Variants in CSMD1 observed in about 807,000 individuals in gnomAD.
The protein encoded by CSMD1 is CUB and Sushi multiple domains 1, also known as CUB and sushi domain-containing protein 1.
A neutral mutation model predicts 417.5 loss-of-function variants in CSMD1; 213 were observed. That is an observed-to-expected ratio of 0.51 (90% CI 0.46 to 0.57). The LOEUF is 0.57. CSMD1 is among the 20% of genes least tolerant of loss of function. The pLI is 0.00. For missense variants in CSMD1, 6,923 were observed against 4,529.7 expected (o/e 1.53, Z -15.17); for synonymous variants, 2,862 against 1,736.8 (o/e 1.65, Z -16.11).
chr8:4,568,164 G>C (rs1362991423), intron 2 of CSMD1, among the ~76,000 whole-genome samples: 1 of 151,674 alleles, frequency 6.6e-6, no homozygotes, highest in African/African-American at 2.4e-5. Context: ...AAATATATAA[G>C]TTATGGGATA....
At chr8:4,825,434 G>A (rs1363614553) in intron 1 of CSMD1, among the ~76,000 whole-genome samples, 1 of 152,028 alleles carries the variant, frequency 6.6e-6, no homozygotes, top group Non-Finnish European at 1.5e-5. Flanking sequence ...GTGTAGACCA[G>A]CAGTTTTCTA....
chr8:4,941,915 T>C (rs1808029741), intron 1 of CSMD1, among the ~76,000 whole-genome samples: 1 of 152,198 alleles, frequency 6.6e-6, no homozygotes, highest in Non-Finnish European at 1.5e-5. Flanking sequence ...AGCAATTTGA[T>C]GATGCTAAAT....
chr8:3,282,072 G>A (rs1324151145), intron 26 of CSMD1, among the ~76,000 whole-genome samples: 1 of 152,152 alleles, frequency 6.6e-6, no homozygotes, highest in Non-Finnish European at 1.5e-5. Flanking sequence ...TGTACAGCCT[G>A]CTGAGTTGTG....
intron 1 of CSMD1, among the ~76,000 whole-genome samples, chr8:4,685,284 T>G (rs1461265406): frequency 6.6e-6 from 1 of 152,120 alleles, no homozygotes; most frequent in African/African-American, 2.4e-5. Context: ...TATCAAAAAC[T>G]TAATCATGGC....
chr8:4,148,120 T>A (rs894765635), intron 3 of CSMD1, among the ~76,000 whole-genome samples: 2 of 152,124 alleles, frequency 1.3e-5, no homozygotes, highest in Admixed American at 6.5e-5. Flanking sequence ...TTGATGCGCG[T>A]GACATGCTCT....
At chr8:3,906,335 C>A (rs1323634058) in intron 5 of CSMD1, among the ~76,000 whole-genome samples, 2 of 151,956 alleles carry the variant, frequency 1.3e-5, no homozygotes, top group Admixed American at 6.6e-5. Context: ...TGTACTAATT[C>A]AAAATCCCAA....
chr8:4,443,033 G>T (rs1329625705), intron 2 of CSMD1, among the ~76,000 whole-genome samples: 1 of 152,122 alleles, frequency 6.6e-6, no homozygotes, highest in Non-Finnish European at 1.5e-5. Flanking sequence ...TAAAGATTTC[G>T]ATTGTAATTG....
intron 41 of CSMD1, among the ~76,000 whole-genome samples, chr8:3,139,701 G>C (rs894626375): frequency 1.3e-5 from 2 of 152,194 alleles, no homozygotes; most frequent in East Asian, 1.9e-4. Flanking sequence ...AGATATGTAC[G>C]TGTGTATGTG....
chr8:3,085,489 A>G (rs759384041), intron 49 of CSMD1, among the ~76,000 whole-genome samples: 5 of 152,240 alleles, frequency 3.3e-5, no homozygotes, highest in Admixed American at 6.5e-5. Context: ...CTAGCATCCC[A>G]TATACACAAA....
intron 1 of CSMD1, among the ~76,000 whole-genome samples, chr8:4,744,117 C>A (rs777298340): frequency 2.0e-5 from 3 of 152,172 alleles, no homozygotes; most frequent in Admixed American, 2.0e-4. Context: ...AAAGCTAATA[C>A]GCAGAGGTGC....
chr8:4,008,587 TCTTTCTTTTTTTC>T (rs1399534828), intron 4 of CSMD1, among the ~76,000 whole-genome samples: 5 of 149,322 alleles, frequency 3.3e-5, no homozygotes, highest in African/African-American at 1.2e-4. Context: ...TTCAGTATTT[TCTTTCTTTTTTTC>T]TTTTTTTTTT....
At chr8:3,137,655 T>A (rs540566208) in intron 41 of CSMD1, among the ~76,000 whole-genome samples, 1 of 152,224 alleles carries the variant, frequency 6.6e-6, no homozygotes, top group East Asian at 1.9e-4. Context: ...CTTGAAGCCA[T>A]CTCTAAATTT....
At chr8:3,592,162 G>C (rs1032807080) in intron 8 of CSMD1, among the ~76,000 whole-genome samples, 2 of 152,020 alleles carry the variant, frequency 1.3e-5, no homozygotes, top group Non-Finnish European at 2.9e-5. Flanking sequence ...ATATCCATCT[G>C]GTTAGGTAGA....
At chr8:3,800,602 A>G (rs774385347) in intron 5 of CSMD1, among the ~76,000 whole-genome samples, 3 of 152,168 alleles carry the variant, frequency 2.0e-5, no homozygotes, top group Non-Finnish European at 2.9e-5. Flanking sequence ...TTGATCTCCA[A>G]TGTGTCAGTG....
chr8:4,737,479 C>T (rs188057368), intron 1 of CSMD1, among the ~76,000 whole-genome samples: 1 of 152,034 alleles, frequency 6.6e-6, no homozygotes, highest in Non-Finnish European at 1.5e-5. Flanking sequence ...CACCTGTACC[C>T]CTGAAGTTAA....
chr8:4,737,313 C>A (rs776205515), intron 1 of CSMD1, among the ~76,000 whole-genome samples: 4 of 151,698 alleles, frequency 2.6e-5, no homozygotes, highest in Non-Finnish European at 5.9e-5. Context: ...TGGGGAGGAA[C>A]AACACACCCT....
At chr8:3,434,953 G>T (rs1397677735) in intron 12 of CSMD1, among the ~76,000 whole-genome samples, 1 of 152,160 alleles carries the variant, frequency 6.6e-6, no homozygotes, top group South Asian at 2.1e-4. Context: ...CCCATGTGCT[G>T]TTCACAGTGG....
chr8:4,039,312 G>A (rs537628232), intron 3 of CSMD1, among the ~76,000 whole-genome samples: 1 of 152,042 alleles, frequency 6.6e-6, no homozygotes, highest in Non-Finnish European at 1.5e-5. Flanking sequence ...GTAAACCAAC[G>A]ATATCAAATG....
intron 1 of CSMD1, among the ~76,000 whole-genome samples, chr8:4,828,194 A>G (rs1799944496): frequency 6.6e-6 from 1 of 152,218 alleles, no homozygotes; most frequent in Non-Finnish European, 1.5e-5. Context: ...GTGTTTTCAA[A>G]GCAGCACTAT....
Sources: gnomAD v4.1 joint callset for allele counts (sites outside exome capture counted in the v4.1 genomes callset) on GRCh38, gnomAD v4.1.1 for gene constraint, MANE v1.5 for transcripts, NCBI Gene and HGNC (gene_info 2026-07-23, HGNC 2026-07-21) for gene names.